MEF2C: variants seen among roughly 807,000 people sequenced by gnomAD.
MEF2C encodes the protein myocyte enhancer factor 2C, also known as myocyte-specific enhancer factor 2C.
In MEF2C, 6 loss-of-function variants were observed where a neutral mutation model predicts 50.5. The observed-to-expected ratio is 0.12, with a 90% CI of 0.07 to 0.23. The LOEUF (loss-of-function observed/expected upper bound fraction) is 0.23. MEF2C is among the 10% of genes least tolerant of loss of function. The pLI is 1.00. For synonymous variants in MEF2C, 183 were observed against 228.0 expected (o/e 0.80, Z 1.78); for missense variants, 276 against 605.0 (o/e 0.46, Z 5.70).
chr5:88,741,692 C>T (rs1766877193), intron 6 of MEF2C: 1 of 980,414 alleles, frequency 1.0e-6, no homozygotes, highest in Non-Finnish European at 1.2e-6. Flanking sequence ...AGGGCTTTTT[C>T]CTCCTTATAC....
At chr5:88,753,079 G>C (rs1773590727) in intron 4 of MEF2C, among the ~76,000 whole-genome samples, 1 of 152,144 alleles carries the variant, frequency 6.6e-6, no homozygotes, top group Non-Finnish European at 1.5e-5. Context: ...TTGAGGCTCA[G>C]TTGGTTGTTT....
In MEF2C at chr5:88,823,771, A is replaced by G; in HGVS notation, c.18T>C (p.Ile6=). 1 of 1,609,474 alleles carries G rather than the reference A, an allele frequency of 6.2e-7. No homozygotes were observed. Among genetic ancestry groups the G allele is most frequent in the Non-Finnish European group, 8.5e-7 (1 of 1,177,288 alleles). MGRKK[I]QITRIMDERN... ...GTTCATCCATAATCCTCGTAATCTG[A>G]ATCTTTTTTCTCCCCATAGTCCCCG... is the stretch of plus-strand genomic sequence containing the variant. Residue 6 remains isoleucine (I), a synonymous_variant, in exon 2 of 11, where the codon ATT becomes ATC. Coordinates refer to ENST00000504921, the MANE Select transcript of MEF2C (RefSeq NM_002397.5).
At chr5:88,864,514 G>A (rs1001408025) in intron 1 of MEF2C, among the ~76,000 whole-genome samples, 4 of 150,924 alleles carry the variant, frequency 2.7e-5, no homozygotes, top group Non-Finnish European at 5.9e-5. Context: ...TTTGTAATAT[G>A]TGTATTTACA....
rs149714662 is a variant in MEF2C, at chr5:88,865,082, A to G, written c.-143+17873T>C. On this transcript the variant is annotated intron_variant, in intron 1 of 10. Transcript: ENST00000504921. ...TGGCCATTTAAAAAAAAAAATTTGG[A>G]GACTGGATCTCACTATGTTGCCCAG... Among the ~76,000 whole-genome samples the G allele has an allele frequency of 5.3e-3, 800 of 152,132 alleles. 4 individuals carry two copies. The highest frequency in any genetic ancestry group is 7.8e-3 in the Non-Finnish European group (530 of 67,988).
At position 88,828,660 on chromosome 5, in the gene MEF2C, A is replaced by T. The variant is rs1188489595; in HGVS notation, c.-142-4730T>A. Among the ~76,000 whole-genome samples the T allele has an allele frequency of 7.9e-5, 12 of 152,102 alleles. No homozygotes were observed. In the East Asian group the frequency reaches 2.1e-3, roughly 27 times the overall value. ...GATTCATTATCTTTTTAAGTGGAAA[A>T]CTTTGCTCAATATGTTACATCTAGT... On this transcript the variant is annotated intron_variant, in intron 1 of 10. Coordinates refer to ENST00000504921, the MANE Select transcript of MEF2C (RefSeq NM_002397.5).
rs183493712 is a variant in MEF2C at position 88,902,656 on chromosome 5, T to C, written c.-240+1260A>G. Among the ~76,000 whole-genome samples, 138 of 152,010 alleles carry C rather than the reference T, an allele frequency of 9.1e-4. 2 individuals carry two copies. The highest frequency in any genetic ancestry group is 3.1e-3 in the African/African-American group (130 of 41,548). ...TAAAAAAGTCAGACCTTATTTTTTT[T>C]CCACTATACAATCATGTGTTAAGGA... is the stretch of plus-strand genomic sequence containing the variant. On this transcript the variant is annotated intron_variant, in intron 1 of 11. Transcript: ENST00000340208.
At chr5:88,892,831 T>C (rs1047886091) in intron 1 of MEF2C, among the ~76,000 whole-genome samples, 1 of 152,220 alleles carries the variant, frequency 6.6e-6, no homozygotes, top group Non-Finnish European at 1.5e-5. Context: ...GCTTGAATTC[T>C]TTAGGTCAGA....
At chr5:88,889,000 C>T (rs1468305112) in intron 1 of MEF2C, 1 of 152,146 alleles carries the variant, frequency 6.6e-6, no homozygotes, top group Non-Finnish European at 1.5e-5. Flanking sequence ...TTAACTGTTT[C>T]TTCTAGATAC....
At chr5:88,899,130 T>A (rs1017298681) in intron 1 of MEF2C, among the ~76,000 whole-genome samples, 4 of 152,170 alleles carry the variant, frequency 2.6e-5, no homozygotes, top group Non-Finnish European at 5.9e-5. Flanking sequence ...CTTCGTGTCA[T>A]AACATAATTT....
intron 3 of MEF2C, among the ~76,000 whole-genome samples, chr5:88,783,769 A>G (rs958430036): frequency 2.0e-5 from 3 of 152,180 alleles, no homozygotes; most frequent in African/African-American, 7.2e-5. Flanking sequence ...AATACCCCAT[A>G]GTTCTCATTA....
intron 1 of MEF2C, among the ~76,000 whole-genome samples, chr5:88,835,033 A>G (rs1010385661): frequency 5.3e-5 from 8 of 152,184 alleles, no homozygotes; most frequent in Non-Finnish European, 8.8e-5. Context: ...CTAAATTGAC[A>G]TCAATTGAGT....
Position 88,794,424 on chromosome 5 carries a change from T to A in MEF2C, c.258+10174A>T, listed in dbSNP as rs374479127. ...TGATTAGCTTTTTTTCATATGCTTGTTGGTTGCATGAACGTCTTCTTTTGA... is the reference window on the plus strand; with the variant it reads ...TGATTAGCTTTTTTTCATATGCTTGATGGTTGCATGAACGTCTTCTTTTGA... On this transcript the variant is annotated intron_variant, in intron 3 of 10. Coordinates refer to ENST00000504921, the MANE Select transcript of MEF2C (RefSeq NM_002397.5). Among the ~76,000 whole-genome samples the A allele has an allele frequency of 2.6e-5, 4 of 152,362 alleles. No individual in the cohort carries two copies. The East Asian group carries it at 5.8e-4, about 22-fold the overall frequency.
chr5:88,897,122 A>G (rs1252889175), intron 1 of MEF2C, among the ~76,000 whole-genome samples: 1 of 152,214 alleles, frequency 6.6e-6, no homozygotes, highest in African/African-American at 2.4e-5. Flanking sequence ...TTGATGATGC[A>G]TGTTATAGAT....
intron 1 of MEF2C, among the ~76,000 whole-genome samples, chr5:88,851,461 C>T (rs1821330375): frequency 1.3e-5 from 2 of 151,964 alleles, no homozygotes; most frequent in African/African-American, 2.4e-5. Flanking sequence ...GAAAACTTGG[C>T]TACTTTGCTT....
At chr5:88,807,641 G>C (rs1801071764) in intron 2 of MEF2C, among the ~76,000 whole-genome samples, 1 of 152,168 alleles carries the variant, frequency 6.6e-6, no homozygotes, top group African/African-American at 2.4e-5. Context: ...TGTGTGTATA[G>C]TATTGAGTAT....
intron 3 of MEF2C, among the ~76,000 whole-genome samples, chr5:88,788,948 T>C (rs1792382692): frequency 6.6e-6 from 1 of 152,156 alleles, no homozygotes; most frequent in South Asian, 2.1e-4. Context: ...GAGAGTGAAG[T>C]TGGCTTTAGA....
At chr5:88,890,325 C>G (rs1401456712) in intron 1 of MEF2C, among the ~76,000 whole-genome samples, 1 of 152,136 alleles carries the variant, frequency 6.6e-6, no homozygotes, top group African/African-American at 2.4e-5. Context: ...GGATGTCTTA[C>G]AAAAATGCTG....
At chr5:88,760,278 G>T (rs989137463) in intron 4 of MEF2C, among the ~76,000 whole-genome samples, 2 of 152,216 alleles carry the variant, frequency 1.3e-5, no homozygotes, top group Non-Finnish European at 1.5e-5. Flanking sequence ...TATCTGGCAA[G>T]GCATATGATT....
chr5:88,834,582 C>T (rs1363034859), intron 1 of MEF2C, among the ~76,000 whole-genome samples: 1 of 152,038 alleles, frequency 6.6e-6, no homozygotes, highest in African/African-American at 2.4e-5. Flanking sequence ...GAGAAAATAT[C>T]GCAGTGGAAT....
Sources: allele counts gnomAD v4.1 joint callset (sites outside exome capture counted in the v4.1 genomes callset), GRCh38; gene constraint gnomAD v4.1.1; transcripts MANE v1.5; gene names NCBI Gene and HGNC (gene_info 2026-07-23, HGNC 2026-07-21).